Variants in MTPAP observed in about 807,000 individuals in gnomAD.
The protein encoded by MTPAP is poly(A) RNA polymerase, mitochondrial.
Under a neutral mutation model 48.7 loss-of-function variants are expected in MTPAP, and 23 were observed. The observed-to-expected ratio is 0.47, with a 90% CI of 0.34 to 0.67. The LOEUF (loss-of-function observed/expected upper bound fraction) is 0.67, where lower values mean the gene tolerates loss of function less well. MTPAP is among the 30% of genes least tolerant of loss of function. MTPAP has a pLI of 0.01. For missense variants in MTPAP, 614 were observed against 694.3 expected, an observed-to-expected ratio of 0.88 and a Z score of 1.30; for synonymous variants, 257 against 254.1, an observed-to-expected ratio of 1.01 and a Z score of -0.11.
At chr10:30,320,971 T>C (rs1840718545) in intron 6 of MTPAP, among the ~76,000 whole-genome samples, 1 of 152,204 alleles carries the variant, frequency 6.6e-6, no homozygotes, top group African/African-American at 2.4e-5. Flanking sequence ...TACAGGTAGT[T>C]TAGTGGTGAA....
chr10:30,326,713 C>T (rs1411157769), intron 4 of MTPAP, 78 bp from the exon 5 acceptor site: 7 of 1,021,562 alleles, frequency 6.9e-6, no homozygotes, highest in Middle Eastern at 2.9e-4. Flanking sequence ...TAAAAGAATG[C>T]TCTAAATCAC....
At position 30,341,591 on chromosome 10, in the gene MTPAP, T is replaced by G; in HGVS notation, c.207A>C (p.Glu69Asp). The G allele has an allele frequency of 6.2e-7, 1 of 1,614,180 alleles. No individual in the cohort carries two copies. Among genetic ancestry groups the G allele is most frequent in the Non-Finnish European group, 8.5e-7 (1 of 1,180,016 alleles). Residue 69 changes from glutamate (E) to aspartate (D), a missense_variant, in exon 2 of 9, where the codon GAA becomes GAC. Physicochemically the swap from Glu to Asp is conservative, Grantham distance 45. Coordinates refer to ENST00000263063, the MANE Select transcript of MTPAP (RefSeq NM_018109.4). ...CAGTCCGCTGTGCCTGTTCTCGTCTTTCATTTTGCATCTCAGAGAATCTCC... is the reference window on the plus strand; with the variant it reads ...CAGTCCGCTGTGCCTGTTCTCGTCTGTCATTTTGCATCTCAGAGAATCTCC... ...PKRRFSEMQNERREQAQRTVL... is the reference protein window; with the variant it reads ...PKRRFSEMQNDRREQAQRTVL...
Position 30,311,553 on chromosome 10 carries a change from A to C in MTPAP, c.*2056T>G, listed in dbSNP as rs1840592610. On this transcript the variant is annotated 3_prime_UTR_variant, in exon 9 of 9. Coordinates refer to ENST00000263063, the MANE Select transcript of MTPAP (RefSeq NM_018109.4). ...AGCATTTTCCTACATCCCTCGCTTA[A>C]TCCTCACATTGATCTGATCATGATC... The C allele has an allele frequency of 6.6e-6, 1 of 152,124 alleles. No individual in the cohort carries two copies. The highest frequency in any genetic ancestry group is 2.4e-5 in the African/African-American group (1 of 41,428). 9.4% of individuals were successfully genotyped at this position (152,124 alleles called of 1,614,324 possible).
At chr10:30,319,949 A>G (rs1039993930) in intron 6 of MTPAP, among the ~76,000 whole-genome samples, 2 of 152,254 alleles carry the variant, frequency 1.3e-5, no homozygotes, top group African/African-American at 4.8e-5. Flanking sequence ...CGATGTGAAC[A>G]TATTTAAATG....
At chr10:30,320,253 C>T (rs1039827000) in intron 6 of MTPAP, among the ~76,000 whole-genome samples, 34 of 152,272 alleles carry the variant, frequency 2.2e-4, no homozygotes, top group African/African-American at 7.5e-4. Flanking sequence ...CAAGGTAGAG[C>T]ACAGTGGCTC....
chr10:30,320,475 T>C (rs1044519229), intron 6 of MTPAP, among the ~76,000 whole-genome samples: 2 of 152,146 alleles, frequency 1.3e-5, no homozygotes, highest in African/African-American at 2.4e-5. Flanking sequence ...TGAGCCGAGA[T>C]TGTGCCACTG....
intron 4 of MTPAP, among the ~76,000 whole-genome samples, chr10:30,328,928 C>A (rs1341633687): frequency 6.6e-6 from 1 of 152,000 alleles, no homozygotes; most frequent in African/African-American, 2.4e-5. Flanking sequence ...CAGAACACAT[C>A]CTAGGTTGTT....
intron 3 of MTPAP, among the ~76,000 whole-genome samples, chr10:30,339,547 T>C (rs774364245): frequency 1.3e-5 from 2 of 149,646 alleles, no homozygotes; most frequent in East Asian, 1.9e-4. Context: ...CAGAAAACCA[T>C]GTACAATTTT....
chr10:30,338,915 A>C lies in MTPAP; in HGVS notation c.555+1311T>G, dbSNP rs553529770. Reference sequence around the variant, plus strand: ...AAGGCGGGCGGATCACAAGGTCAGGAGATCGAGACCATCCTGGCTAACTCA... The same window carrying C: ...AAGGCGGGCGGATCACAAGGTCAGGCGATCGAGACCATCCTGGCTAACTCA... On this transcript the variant is annotated intron_variant, in intron 3 of 8. Transcript: ENST00000263063. Among the ~76,000 whole-genome samples, 118 of 152,052 alleles carry C rather than the reference A, an allele frequency of 7.8e-4. 1 individual carries two copies. Among genetic ancestry groups the C allele is most frequent in the Non-Finnish European group, 2.5e-4 (17 of 67,982 alleles).
intron 1 of MTPAP, among the ~76,000 whole-genome samples, chr10:30,345,541 G>GTT (rs1229464140): frequency 6.6e-6 from 1 of 152,186 alleles, no homozygotes; most frequent in East Asian, 1.9e-4. Context: ...ATCTAAAGCC[G>GTT]TAAACAACAG....
At chr10:30,325,954 G>T (rs935657645) in intron 5 of MTPAP, among the ~76,000 whole-genome samples, 1 of 151,982 alleles carries the variant, frequency 6.6e-6, no homozygotes, top group Non-Finnish European at 1.5e-5. Flanking sequence ...GGGGACATTT[G>T]TCTAGTACAC....
chr10:30,341,616 C>T lies in MTPAP; in HGVS notation c.182G>A (p.Arg61Lys), dbSNP rs752650548. Residue 61 changes from arginine (R) to lysine (K), a missense_variant, in exon 2 of 9, where the codon AGG becomes AAG. Coordinates refer to ENST00000263063, the MANE Select transcript of MTPAP (RefSeq NM_018109.4). ...TTCATTTTGCATCTCAGAGAATCTC[C>T]TTTTGGGAATCTTGTCTTCAAAGCC... ...ETGFEDKIPK[R>K]RFSEMQNERR... 3 of 1,613,926 alleles carry T rather than the reference C, an allele frequency of 1.9e-6. No homozygotes were observed. The highest frequency in any genetic ancestry group is 1.3e-5 in the African/African-American group (1 of 74,916).
intron 3 of MTPAP, among the ~76,000 whole-genome samples, chr10:30,338,539 AT>A (rs1005293016): frequency 6.6e-6 from 1 of 151,856 alleles, no homozygotes; most frequent in Non-Finnish European, 1.5e-5. Flanking sequence ...GCCAGGTGTG[AT>A]GGCGCGTGCC....
At chr10:30,323,587 G>A (rs1158028150) in intron 5 of MTPAP, among the ~76,000 whole-genome samples, 1 of 152,062 alleles carries the variant, frequency 6.6e-6, no homozygotes, top group African/African-American at 2.4e-5. Flanking sequence ...TTGGCTCACT[G>A]CAAGCTCCGA....
At chr10:30,348,824 A>G (rs1485217947) in intron 1 of MTPAP, 1 of 443,432 alleles carries the variant, frequency 2.3e-6, no homozygotes, top group Non-Finnish European at 4.1e-6. Context: ...TATTTCGTCA[A>G]ACTGTAAAGT....
chr10:30,336,906 A>G lies in MTPAP; in HGVS notation c.677T>C (p.Ile226Thr), dbSNP rs146569103. 2.5e-6 allele frequency: 4 copies of G among 1,613,120 alleles called. No homozygotes were observed. The African/African-American group carries it at 5.3e-5, about 22-fold the overall frequency. Residue 226 changes from isoleucine (I) to threonine (T), a missense_variant, in exon 4 of 9, where the codon ATA (isoleucine) becomes ACA (threonine). Transcript: ENST00000263063. ...DMAAAYFPDC[I>T]VRPFGSSVNT... Reference sequence around the variant, plus strand: ...GACTGAGGAGCCAAAGGGTCTGACTATGCAGTCTGGAAAATACGCGGCGGC... The same window carrying G: ...GACTGAGGAGCCAAAGGGTCTGACTGTGCAGTCTGGAAAATACGCGGCGGC...
intron 5 of MTPAP, among the ~76,000 whole-genome samples, chr10:30,324,758 T>C (rs1834563012): frequency 6.6e-6 from 1 of 151,990 alleles, no homozygotes; most frequent in African/African-American, 2.4e-5. Flanking sequence ...AATCCAGCAC[T>C]TGGGAGGCCG....
At chr10:30,341,794 T>C (rs1308750458) in intron 1 of MTPAP, among the ~76,000 whole-genome samples, 154 bp from the exon 2 acceptor site, 1 of 152,216 alleles carries the variant, frequency 6.6e-6, no homozygotes, top group Non-Finnish European at 1.5e-5. Context: ...TATACTACAG[T>C]AGTCTCCCCA....
intron 4 of MTPAP, among the ~76,000 whole-genome samples, chr10:30,335,779 G>A (rs959931924): frequency 6.6e-6 from 1 of 152,120 alleles, no homozygotes; most frequent in African/African-American, 2.4e-5. Context: ...GGAGGCCGAG[G>A]GGTGTGGATC....
Sources: gnomAD v4.1 joint callset for allele counts (sites outside exome capture counted in the v4.1 genomes callset) on GRCh38, gnomAD v4.1.1 for gene constraint, MANE v1.5 for transcripts, NCBI Gene and HGNC (gene_info 2026-07-23, HGNC 2026-07-21) for gene names.